Variants in PDGFD observed in about 807,000 individuals in gnomAD.
PDGFD encodes the protein platelet derived growth factor D, also known as platelet-derived growth factor D.
In PDGFD, 30 loss-of-function variants were observed where a neutral mutation model predicts 44.7. That is an observed-to-expected ratio of 0.67 (90% CI 0.50 to 0.91). The LOEUF (loss-of-function observed/expected upper bound fraction) is 0.91. Among genes scored for constraint, PDGFD ranks in the 40% least tolerant of loss-of-function variants. The pLI, the probability that PDGFD is intolerant of heterozygous loss-of-function variation, is 0.00. For missense variants in PDGFD, 445 were observed against 457.8 expected (o/e 0.97, Z 0.25); for synonymous variants, 173 against 168.4 (o/e 1.03, Z -0.21).
intron 1 of PDGFD, among the ~76,000 whole-genome samples, chr11:104,102,017 G>A (rs1262778773): frequency 1.3e-5 from 2 of 152,038 alleles, no homozygotes; most frequent in South Asian, 2.1e-4. Flanking sequence ...ATAGGCATGG[G>A]CAAGGACTTC....
chr11:104,102,040 C>A (rs187465310), intron 1 of PDGFD, among the ~76,000 whole-genome samples: 8,396 of 152,064 alleles, frequency 0.055, 357 homozygotes, highest in African/African-American at 0.12. Context: ...GTCTAAAACA[C>A]CAAAAGCAAT....
At chr11:103,979,006 T>C (rs143066028) in intron 3 of PDGFD, among the ~76,000 whole-genome samples, 1 of 152,150 alleles carries the variant, frequency 6.6e-6, no homozygotes, top group Non-Finnish European at 1.5e-5. Context: ...GCTCAGGAGC[T>C]TTATAAATGG....
chr11:104,067,687 A>C (rs983934619), intron 1 of PDGFD, among the ~76,000 whole-genome samples: 13 of 152,158 alleles, frequency 8.5e-5, no homozygotes, highest in Non-Finnish European at 1.8e-4. Flanking sequence ...AGAAAAAGAT[A>C]AATTTAAAGA....
chr11:103,964,702 G>A (rs1177452640), intron 3 of PDGFD, among the ~76,000 whole-genome samples: 2 of 152,052 alleles, frequency 1.3e-5, no homozygotes, highest in Admixed American at 6.5e-5. Context: ...GAGGGCTGAG[G>A]TGCTGTCCTC....
chr11:104,001,172 A>G (rs1859613733), intron 1 of PDGFD, among the ~76,000 whole-genome samples: 1 of 152,218 alleles, frequency 6.6e-6, no homozygotes, highest in South Asian at 2.1e-4. Context: ...GAGTCCACTC[A>G]TGTTGATAAT....
chr11:104,036,628 C>T, intron 1 of PDGFD: 2 of 599,332 alleles, frequency 3.3e-6, no homozygotes, highest in South Asian at 2.0e-5. Context: ...TCCACCTGGC[C>T]ACACAGCAGG....
intron 1 of PDGFD, among the ~76,000 whole-genome samples, chr11:104,094,402 A>G (rs1163807589): frequency 1.3e-5 from 2 of 152,050 alleles, no homozygotes; most frequent in Non-Finnish European, 2.9e-5. Context: ...AATATAATTT[A>G]TATGCCTCAA....
In PDGFD at chr11:103,908,307, G is replaced by A. The variant is rs1026643839; in HGVS notation, c.*1387C>T. On this transcript the variant is annotated 3_prime_UTR_variant, in exon 7 of 7. Coordinates refer to ENST00000393158, the MANE Select transcript of PDGFD (RefSeq NM_025208.5). Reference sequence around the variant, plus strand: ...CTTTAAAACAGACACAAAGGAGGCAGAGAGAAAAAATTACTCTAAATACCA... The same window carrying A: ...CTTTAAAACAGACACAAAGGAGGCAAAGAGAAAAAATTACTCTAAATACCA... 2.6e-5 allele frequency: 4 copies of A among 152,166 alleles called. No homozygotes were observed. The highest frequency in any genetic ancestry group is 9.7e-5 in the African/African-American group (4 of 41,442). The allele number at this position is 152,166 out of a possible 1,614,324, so 9.4% of individuals were successfully genotyped here. A position where few individuals can be genotyped will look rare whatever the true frequency, so the allele number is the denominator to read the frequency against.
At chr11:103,988,472 A>T (rs373592801) in intron 3 of PDGFD, among the ~76,000 whole-genome samples, 1 of 152,120 alleles carries the variant, frequency 6.6e-6, no homozygotes, top group South Asian at 2.1e-4. Context: ...TTACAGCAGT[A>T]AAGTATTATT....
intron 1 of PDGFD, among the ~76,000 whole-genome samples, chr11:104,128,361 A>T (rs897274365): frequency 5.3e-5 from 8 of 152,162 alleles, no homozygotes; most frequent in African/African-American, 1.9e-4. Flanking sequence ...TTGTGCCCAA[A>T]CACAGCTCCA....
At chr11:103,999,429 G>A (rs1270631087) in intron 2 of PDGFD, among the ~76,000 whole-genome samples, 1 of 152,204 alleles carries the variant, frequency 6.6e-6, no homozygotes, top group Non-Finnish European at 1.5e-5. Context: ...GCTAAGAAGA[G>A]AGAAGATTAT....
intron 1 of PDGFD, among the ~76,000 whole-genome samples, chr11:104,064,189 C>A (rs1860753734): frequency 6.6e-6 from 1 of 152,192 alleles, no homozygotes; most frequent in East Asian, 1.9e-4. Flanking sequence ...ACAATGTGTT[C>A]TTTCTCATTG....
intron 1 of PDGFD, among the ~76,000 whole-genome samples, chr11:104,102,082 C>A (rs559850374): frequency 6.6e-6 from 1 of 152,126 alleles, no homozygotes; most frequent in Non-Finnish European, 1.5e-5. Flanking sequence ...CAAATGGGAT[C>A]TAATTAAACT....
At chr11:104,098,599 C>T (rs1363692384) in intron 1 of PDGFD, among the ~76,000 whole-genome samples, 1 of 151,290 alleles carries the variant, frequency 6.6e-6, no homozygotes, top group Non-Finnish European at 1.5e-5. Flanking sequence ...GCCTCAACCT[C>T]CCAGCCTCAA....
chr11:103,948,810 T>C (rs1490364829), intron 3 of PDGFD, among the ~76,000 whole-genome samples: 1 of 152,018 alleles, frequency 6.6e-6, no homozygotes, highest in African/African-American at 2.4e-5. Flanking sequence ...ATTTCCTGTG[T>C]TTAATAAAAT....
At chr11:104,122,844 CTATG>C (rs1294988999) in intron 1 of PDGFD, among the ~76,000 whole-genome samples, 4 of 151,662 alleles carry the variant, frequency 2.6e-5, no homozygotes, top group Non-Finnish European at 4.4e-5. Flanking sequence ...TGATGACTCT[CTATG>C]TATAAAGGGA....
chr11:104,097,186 C>T (rs1186190488), intron 1 of PDGFD, among the ~76,000 whole-genome samples: 2 of 152,278 alleles, frequency 1.3e-5, no homozygotes, highest in East Asian at 3.9e-4. Context: ...GATAAACTCA[C>T]ATGCTTTCAA....
At chr11:103,946,603 C>T in intron 4 of PDGFD, 1 of 152,390 alleles carries the variant, frequency 6.6e-6, no homozygotes, top group Non-Finnish European at 1.5e-5. Context: ...TCAGCCTCTA[C>T]TGTGACCCTC....
At chr11:104,107,592 T>C (rs1861489937) in intron 1 of PDGFD, among the ~76,000 whole-genome samples, 1 of 152,122 alleles carries the variant, frequency 6.6e-6, no homozygotes, top group Non-Finnish European at 1.5e-5. Context: ...AATACAAAAG[T>C]CAATGTAAAC....
Sources: gnomAD v4.1 joint callset for allele counts (sites outside exome capture counted in the v4.1 genomes callset) on GRCh38, gnomAD v4.1.1 for gene constraint, MANE v1.5 for transcripts, NCBI Gene and HGNC (gene_info 2026-07-23, HGNC 2026-07-21) for gene names.